DGKB: variants seen among roughly 807,000 people sequenced by gnomAD.
DGKB encodes the protein 90 kDa diacylglycerol kinase.
A neutral mutation model predicts 114.3 loss-of-function variants in DGKB; 67 were observed. The observed-to-expected ratio is 0.59, with a 90% CI of 0.48 to 0.72. DGKB has a LOEUF of 0.72. Among genes scored for constraint, DGKB ranks in the 30% least tolerant of loss-of-function variants. The probability of loss-of-function intolerance (pLI) is 0.00; values close to 1 mark genes in which losing one functional copy is unlikely to be tolerated. For synonymous variants in DGKB, 398 were observed against 323.1 expected (o/e 1.23, Z -2.49); for missense variants, 907 against 975.2 (o/e 0.93, Z 0.93).
intron 14 of DGKB, among the ~76,000 whole-genome samples, chr7:14,621,832 T>C (rs1257347241): frequency 6.6e-6 from 1 of 152,240 alleles, no homozygotes. Context: ...TACAGGATTA[T>C]AATTTAAAGA....
chr7:14,613,284 T>C, intron 16 of DGKB, 56 bp downstream of exon 16: 2 of 1,018,094 alleles, frequency 2.0e-6, no homozygotes. Flanking sequence ...ATCATAGTTT[T>C]GTCTATTTTT....
At chr7:14,970,528 A>C (rs189583771) in intron 1 of DGKB, among the ~76,000 whole-genome samples, 117 of 152,240 alleles carry the variant, frequency 7.7e-4, no homozygotes, top group African/African-American at 2.7e-3. Flanking sequence ...ACATGAAAAA[A>C]ATGAGTTGCT....
At chr7:14,475,026 C>A (rs1007043731) in intron 21 of DGKB, among the ~76,000 whole-genome samples, 10 of 152,038 alleles carry the variant, frequency 6.6e-5, no homozygotes, top group African/African-American at 1.9e-4. Flanking sequence ...CATTACCTTT[C>A]CCTGTTCTTT....
chr7:14,170,145 A>AAAAGATAGAAAG (rs1780685466), intron 25 of DGKB, among the ~76,000 whole-genome samples: 1 of 99,982 alleles, frequency 1.0e-5, no homozygotes, highest in Non-Finnish European at 2.0e-5. Flanking sequence ...AAAAAAAAAA[A>AAAAGATAGAAAG]AAAGAAAGAA....
intron 1 of DGKB, among the ~76,000 whole-genome samples, chr7:14,915,840 A>C (rs372957895): frequency 2.0e-5 from 3 of 152,314 alleles, no homozygotes; most frequent in Admixed American, 6.5e-5. Flanking sequence ...TGTTAAAACA[A>C]GTTCCTCAGA....
intron 13 of DGKB, among the ~76,000 whole-genome samples, chr7:14,662,068 G>A (rs1453765029): frequency 3.9e-5 from 6 of 152,082 alleles, no homozygotes; most frequent in Non-Finnish European, 7.4e-5. Context: ...GGTGGGGTTA[G>A]GGGAGAGGGA....
At chr7:14,929,430 C>T (rs1050423149) in intron 1 of DGKB, among the ~76,000 whole-genome samples, 1 of 151,594 alleles carries the variant, frequency 6.6e-6, no homozygotes, top group African/African-American at 2.4e-5. Context: ...CCATTCTGAT[C>T]GGAGTAAGGT....
chr7:14,508,855 A>G lies in DGKB; in HGVS notation c.1771-30630T>C, dbSNP rs62443485. ...CTATACTATCATTCTGACGTTTTAC[A>G]GAATTGAATTGGTTCATTTATATAA... is the stretch of plus-strand genomic sequence containing the variant. On this transcript the variant is annotated intron_variant, in intron 20 of 25. Transcript: ENST00000402815. Among the ~76,000 whole-genome samples, 806 of 152,332 alleles carry G rather than the reference A, an allele frequency of 5.3e-3. 5 individuals carry two copies. Among genetic ancestry groups the G allele is most frequent in the Middle Eastern group, 0.017 (5 of 294 alleles).
At chr7:14,207,888 A>G (rs1442714137) in intron 23 of DGKB, among the ~76,000 whole-genome samples, 1 of 151,994 alleles carries the variant, frequency 6.6e-6, no homozygotes, top group African/African-American at 2.4e-5. Context: ...TAAAATGAAT[A>G]ATCCCCAAAA....
chr7:14,835,373 T>C (rs1197868577), intron 2 of DGKB, among the ~76,000 whole-genome samples: 4 of 152,204 alleles, frequency 2.6e-5, no homozygotes, highest in Non-Finnish European at 4.4e-5. Flanking sequence ...TACATTTCCA[T>C]ATTTAATCAG....
chr7:14,689,242 G>T (rs1235988254), intron 9 of DGKB, among the ~76,000 whole-genome samples: 1 of 112,358 alleles, frequency 8.9e-6, no homozygotes, highest in Non-Finnish European at 1.7e-5. Flanking sequence ...GTCTCGCTCT[G>T]TCGCCCAGGC....
chr7:14,668,474 T>C (rs1210749032), intron 13 of DGKB, among the ~76,000 whole-genome samples: 1 of 152,130 alleles, frequency 6.6e-6, no homozygotes, highest in East Asian at 1.9e-4. Context: ...TGCCATGTAC[T>C]ATTCATGGGA....
chr7:14,209,173 G>GAA (rs11303119), intron 23 of DGKB: 643 of 255,320 alleles, frequency 2.5e-3, no homozygotes, highest in South Asian at 7.6e-3. Flanking sequence ...ACTACTGATA[G>GAA]AAAAAAAAAA....
intron 5 of DGKB, among the ~76,000 whole-genome samples, chr7:14,730,586 G>A (rs1032925690): frequency 1.3e-5 from 2 of 152,172 alleles, no homozygotes; most frequent in African/African-American, 4.8e-5. Context: ...GGTGCATAGG[G>A]CAGGGAGATG....
intron 23 of DGKB, among the ~76,000 whole-genome samples, chr7:14,314,452 T>A (rs1806076158): frequency 6.6e-6 from 1 of 151,652 alleles, no homozygotes; most frequent in Admixed American, 6.6e-5. Flanking sequence ...CTGATGGAGC[T>A]GAAAACCAAG....
At chr7:14,417,141 T>C (rs1209639857) in intron 21 of DGKB, among the ~76,000 whole-genome samples, 1 of 152,138 alleles carries the variant, frequency 6.6e-6, no homozygotes, top group Non-Finnish European at 1.5e-5. Flanking sequence ...TTAAGTTCTC[T>C]GCACCCTGCT....
At chr7:14,792,858 G>T (rs574735680) in intron 2 of DGKB, among the ~76,000 whole-genome samples, 1 of 152,098 alleles carries the variant, frequency 6.6e-6, no homozygotes, top group East Asian at 1.9e-4. Flanking sequence ...CCCATAAAAG[G>T]AAATTCTATA....
chr7:14,319,768 A>G (rs1369310837), intron 23 of DGKB, among the ~76,000 whole-genome samples: 1 of 152,200 alleles, frequency 6.6e-6, no homozygotes, highest in Non-Finnish European at 1.5e-5. Context: ...CCAGTGGTCT[A>G]TAGTATGTCA....
At position 14,397,457 on chromosome 7, in the gene DGKB, T is replaced by TG. The variant is rs199613988; in HGVS notation, c.1836-52067dup. On this transcript the variant is annotated intron_variant, in intron 21 of 25. Coordinates refer to ENST00000402815, the MANE Select transcript of DGKB (RefSeq NM_001350709.2). The stretch of plus-strand genomic sequence containing the variant: ...TATTCTCAGGTTCTACTGTGGAAAG[T>TG]GAGTTCTTTTCTTCTTTACTCCTTT... Among the ~76,000 whole-genome samples, 12 of 152,232 alleles carry TG rather than the reference T, an allele frequency of 7.9e-5. No individual in the cohort carries two copies. The East Asian group carries it at 2.1e-3, about 27-fold the overall frequency.
Sources: allele counts gnomAD v4.1 joint callset (sites outside exome capture counted in the v4.1 genomes callset), GRCh38; gene constraint gnomAD v4.1.1; transcripts MANE v1.5; gene names NCBI Gene and HGNC (gene_info 2026-07-23, HGNC 2026-07-21).